Variants in FEZ1 observed in about 807,000 individuals in gnomAD.
FEZ1 encodes the protein fasciculation and elongation protein zeta 1, also known as fasciculation and elongation protein zeta-1.
In FEZ1, 20 loss-of-function variants were observed where a neutral mutation model predicts 49.3. The observed-to-expected ratio is 0.41, with a 90% CI of 0.29 to 0.59. The LOEUF (loss-of-function observed/expected upper bound fraction) is 0.59, where lower values mean the gene tolerates loss of function less well. Ranked by LOEUF, FEZ1 falls within the 20% of genes least tolerant of loss-of-function variation. FEZ1 has a pLI of 0.36. For synonymous variants in FEZ1, 170 were observed against 180.9 expected (o/e 0.94, Z 0.48); for missense variants, 413 against 476.0 (o/e 0.87, Z 1.23).
intron 5 of FEZ1, among the ~76,000 whole-genome samples, chr11:125,458,821 C>G (rs1319755588): frequency 6.6e-6 from 1 of 152,162 alleles, no homozygotes; most frequent in African/African-American, 2.4e-5. Flanking sequence ...GTAATCCCAG[C>G]ACTTTGGGAG....
chr11:125,482,077 G>A (rs1419211360), intron 2 of FEZ1, among the ~76,000 whole-genome samples: 3 of 152,160 alleles, frequency 2.0e-5, no homozygotes, highest in African/African-American at 7.2e-5. Flanking sequence ...GAGAAAGAGA[G>A]ATCTGGGCAG....
Position 125,489,287 on chromosome 11 carries a change from G to A in FEZ1, c.311+180C>T. Reference sequence around the variant, plus strand: ...TTCAATTTAAGAAAGTTCTCCTCAGGGGACTGTAAAGGGACATATATAGAG... The same window carrying A: ...TTCAATTTAAGAAAGTTCTCCTCAGAGGACTGTAAAGGGACATATATAGAG... On this transcript the variant is annotated intron_variant, in intron 2 of 9. Coordinates refer to ENST00000278919, the MANE Select transcript of FEZ1 (RefSeq NM_005103.5). This position sits in a 1 kb window ranked among gnomAD's most constrained non-coding sequence, Gnocchi z 4.2. 4 of 1,257,212 alleles carry A rather than the reference G, an allele frequency of 3.2e-6. No homozygotes were observed. The highest frequency in any genetic ancestry group is 4.0e-6 in the Non-Finnish European group (4 of 1,001,198). 77.9% of individuals were successfully genotyped at this position (1,257,212 alleles called of 1,614,324 possible).
rs1957355865 is a variant in FEZ1, at chr11:125,489,088, G to T, written c.311+379C>A. ...TTCTGGTGTTTCTTGAAGCAAATTA[G>T]TCCAATAACATAGATTCATCCATCA... On this transcript the variant is annotated intron_variant, in intron 2 of 9. Transcript: ENST00000278919. The surrounding 1 kb of genome is among the most constrained non-coding windows in gnomAD (Gnocchi z 4.2). 1.0e-6 allele frequency: 1 copy of T among 990,786 alleles called. No individual in the cohort carries two copies. Among genetic ancestry groups the T allele is most frequent in the Non-Finnish European group, 1.2e-6 (1 of 833,774 alleles). 61.4% of individuals were successfully genotyped at this position (990,786 alleles called of 1,614,324 possible).
chr11:125,476,361 G>A (rs1007205512), intron 3 of FEZ1, among the ~76,000 whole-genome samples: 1 of 152,126 alleles, frequency 6.6e-6, no homozygotes, highest in Non-Finnish European at 1.5e-5. Flanking sequence ...AAGAATGCAT[G>A]GTTGAGTTGA....
chr11:125,465,005 T>C (rs1957113863), intron 3 of FEZ1, among the ~76,000 whole-genome samples: 1 of 152,134 alleles, frequency 6.6e-6, no homozygotes, highest in African/African-American at 2.4e-5. Flanking sequence ...GGCCAGAAAA[T>C]CCTGCAGTAG....
At chr11:125,476,347 T>A (rs1957233813) in intron 3 of FEZ1, among the ~76,000 whole-genome samples, 1 of 152,222 alleles carries the variant, frequency 6.6e-6, no homozygotes, top group East Asian at 1.9e-4. Context: ...GTTGTGTGTA[T>A]CTCAAGAATG....
At chr11:125,492,415 A>C (rs1957390762) in intron 1 of FEZ1, among the ~76,000 whole-genome samples, 1 of 152,256 alleles carries the variant, frequency 6.6e-6, no homozygotes, top group Admixed American at 6.5e-5. Flanking sequence ...TATTTGGAGA[A>C]GGAGCCCACA....
chr11:125,480,245 G>A (rs759914616), intron 3 of FEZ1, among the ~76,000 whole-genome samples: 24 of 152,144 alleles, frequency 1.6e-4, no homozygotes, highest in South Asian at 4.2e-4. Context: ...GCATGGTGGC[G>A]TATGCCTGTA....
intron 9 of FEZ1, among the ~76,000 whole-genome samples, chr11:125,446,685 T>C (rs925623318): frequency 1.3e-5 from 2 of 152,120 alleles, no homozygotes; most frequent in South Asian, 2.1e-4. Context: ...GGTTTGTTTG[T>C]TTGTTTTTTT....
Position 125,455,893 on chromosome 11 carries a change from T to C in FEZ1, c.881A>G (p.Glu294Gly), listed in dbSNP as rs746096459. The C allele has an allele frequency of 1.9e-6, 3 of 1,613,680 alleles. No individual in the cohort carries two copies. Among genetic ancestry groups the C allele is most frequent in the Non-Finnish European group, 2.5e-6 (3 of 1,179,992 alleles). Residue 294 changes from glutamate to glycine, a missense_variant, in exon 6 of 10, where the codon GAG becomes GGG. Glu to Gly is a moderately conservative substitution (Grantham distance 98). Coordinates refer to ENST00000278919, the MANE Select transcript of FEZ1 (RefSeq NM_005103.5). ...GCTGCTCTGCAGGCTCAGCCCTTTC[T>C]CTTTCCGCCTCTTTTTCATCAGTTC... ...QRELMKKRRK[E>G]KGLSLQSSRI...
intron 4 of FEZ1, among the ~76,000 whole-genome samples, 158 bp from the exon 5 acceptor site, chr11:125,460,824 A>T (rs550677911): frequency 6.6e-6 from 1 of 152,234 alleles, no homozygotes; most frequent in Admixed American, 6.5e-5. Flanking sequence ...AATAGTTCCA[A>T]CCAAAGGCTT....
chr11:125,450,642 A>G (rs986196703), intron 8 of FEZ1, among the ~76,000 whole-genome samples: 1 of 152,218 alleles, frequency 6.6e-6, no homozygotes, highest in African/African-American at 2.4e-5. Flanking sequence ...GAGAATTGGT[A>G]TTCAGAAAAG....
chr11:125,460,451 C>T lies in FEZ1; in HGVS notation c.667+47G>A, dbSNP rs199872494. On this transcript the variant is annotated intron_variant, in intron 5 of 9. Transcript: ENST00000278919. ...AAGCACACAGCCCAGAGCCTGGCCC[C>T]GAGCAGGTGCTTCCTCCTCGGCCAG... 22 of 1,570,038 alleles carry T rather than the reference C, an allele frequency of 1.4e-5. No individual in the cohort carries two copies. In the East Asian group the frequency reaches 2.2e-4, roughly 16 times the overall value.
rs1243332654 is a variant in FEZ1 at position 125,445,580 on chromosome 11, A to C, written c.*515T>G. Among the ~76,000 whole-genome samples the C allele has an allele frequency of 6.6e-6, 1 of 152,070 alleles. No individual in the cohort carries two copies. Among genetic ancestry groups the C allele is most frequent in the Non-Finnish European group, 1.5e-5 (1 of 68,016 alleles). On this transcript the variant is annotated 3_prime_UTR_variant, in exon 10 of 10. Transcript: ENST00000278919. The surrounding 1 kb of genome is among the most constrained non-coding windows in gnomAD (Gnocchi z 4.4). ...TTCTGCCTATGCTGTATGCAGCCCC[A>C]CTGTGTCCCATGATCCCACCACGAC...
intron 4 of FEZ1, among the ~76,000 whole-genome samples, chr11:125,461,227 T>G (rs899781140): frequency 6.6e-6 from 1 of 152,080 alleles, no homozygotes; most frequent in African/African-American, 2.4e-5. Context: ...AGCAAATAGA[T>G]AAGAACCCCA....
intron 9 of FEZ1, among the ~76,000 whole-genome samples, chr11:125,446,744 A>G (rs917041784): frequency 1.3e-5 from 2 of 151,922 alleles, no homozygotes; most frequent in Admixed American, 6.6e-5. Context: ...TGGTGTGATC[A>G]CAGCCCCCAC....
At chr11:125,474,238 C>T (rs1957208574) in intron 3 of FEZ1, among the ~76,000 whole-genome samples, 1 of 146,752 alleles carries the variant, frequency 6.8e-6, no homozygotes, top group Non-Finnish European at 1.5e-5. Context: ...CAGGGTTTCA[C>T]CGTGTTAGCC....
intron 3 of FEZ1, 63 bp from the exon 4 acceptor site, chr11:125,463,633 G>C (rs923539718): frequency 1.0e-6 from 1 of 982,856 alleles, no homozygotes; most frequent in African/African-American, 1.6e-5. Context: ...ATTGCCTCTA[G>C]TCTCGAGAAT....
Position 125,489,012 on chromosome 11 carries a change from T to C in FEZ1, c.311+455A>G, listed in dbSNP as rs990809210. 1.0e-6 allele frequency: 1 copy of C among 986,102 alleles called. No individual in the cohort carries two copies. 61.1% of individuals were successfully genotyped at this position (986,102 alleles called of 1,614,324 possible). A position where few individuals can be genotyped will look rare whatever the true frequency, so the allele number is the denominator to read the frequency against. ...TTATGTGGACATATCCTAACATCTG[T>C]AGATAACTCTCCAGGCCTGAGGGGC... is the stretch of plus-strand genomic sequence containing the variant. On this transcript the variant is annotated intron_variant, in intron 2 of 9. Coordinates refer to ENST00000278919, the MANE Select transcript of FEZ1 (RefSeq NM_005103.5). This position sits in a 1 kb window ranked among gnomAD's most constrained non-coding sequence, Gnocchi z 4.2.
Sources: gnomAD v4.1 joint callset for allele counts (sites outside exome capture counted in the v4.1 genomes callset) on GRCh38, gnomAD v4.1.1 for gene constraint, Gnocchi (gnomAD v3.1) non-coding constraint, MANE v1.5 for transcripts, NCBI Gene and HGNC (gene_info 2026-07-23, HGNC 2026-07-21) for gene names.